The following CAB39L variants were observed in gnomAD, a reference collection of about 807,000 sequenced individuals.
The protein encoded by CAB39L is calcium-binding protein 39-like.
Under a neutral mutation model 39.1 loss-of-function variants are expected in CAB39L, and 23 were observed. The observed-to-expected ratio is 0.59, with a 90% CI of 0.42 to 0.83. The LOEUF (loss-of-function observed/expected upper bound fraction) is 0.83. CAB39L is among the 40% of genes least tolerant of loss of function. The probability of loss-of-function intolerance (pLI) is 0.00; values close to 1 mark genes in which losing one functional copy is unlikely to be tolerated. For synonymous variants in CAB39L, 126 were observed against 137.2 expected, an observed-to-expected ratio of 0.92 and a Z score of 0.57; for missense variants, 366 against 391.9, an observed-to-expected ratio of 0.93 and a Z score of 0.56.
chr13:49,415,868 T>G (rs1026714286), intron 3 of CAB39L, among the ~76,000 whole-genome samples: 1 of 152,206 alleles, frequency 6.6e-6, no homozygotes, highest in African/African-American at 2.4e-5. Flanking sequence ...TAAATTACTT[T>G]CCTGTTTTCT....
chr13:49,364,316 T>C (rs796748558), intron 5 of CAB39L, among the ~76,000 whole-genome samples: 1 of 152,128 alleles, frequency 6.6e-6, no homozygotes, highest in Non-Finnish European at 1.5e-5. Flanking sequence ...GAGAATGAAA[T>C]GAAGGGCAAA....
intron 1 of CAB39L, among the ~76,000 whole-genome samples, chr13:49,434,572 A>G (rs1239482018): frequency 6.6e-6 from 1 of 152,146 alleles, no homozygotes; most frequent in African/African-American, 2.4e-5. Context: ...AACTATCAAC[A>G]TTTTAGGCCA....
intron 6 of CAB39L, among the ~76,000 whole-genome samples, chr13:49,352,677 G>A (rs1469398701): frequency 6.6e-6 from 1 of 152,168 alleles, no homozygotes; most frequent in East Asian, 1.9e-4. Flanking sequence ...TGTAGTCCCA[G>A]CTACTCAGGA....
intron 9 of CAB39L, among the ~76,000 whole-genome samples, chr13:49,333,088 GA>G (rs1386555120): frequency 1.4e-4 from 22 of 151,988 alleles, no homozygotes; most frequent in African/African-American, 5.1e-4. Flanking sequence ...CCTTGCCTGT[GA>G]TGTATCTTTT....
At chr13:49,359,997 G>A (rs1255595834) in intron 5 of CAB39L, among the ~76,000 whole-genome samples, 165 bp from the exon 6 acceptor site, 2 of 152,080 alleles carry the variant, frequency 1.3e-5, no homozygotes, top group Admixed American at 6.5e-5. Flanking sequence ...CTAACAAGCT[G>A]TGCTTGCAAA....
chr13:49,370,600 G>A (rs1288760561), intron 5 of CAB39L, among the ~76,000 whole-genome samples: 1 of 152,180 alleles, frequency 6.6e-6, no homozygotes, highest in Non-Finnish European at 1.5e-5. Flanking sequence ...TGTTCCCATG[G>A]TAACCATGTG....
intron 7 of CAB39L, among the ~76,000 whole-genome samples, chr13:49,346,956 A>G (rs2138451113): frequency 6.6e-6 from 1 of 152,344 alleles, no homozygotes; most frequent in South Asian, 2.1e-4. Context: ...TAACAATGTT[A>G]CAATATTAAT....
chr13:49,427,974 T>A (rs1461495512), intron 3 of CAB39L, among the ~76,000 whole-genome samples: 1 of 152,178 alleles, frequency 6.6e-6, no homozygotes, highest in Non-Finnish European at 1.5e-5. Flanking sequence ...CCCTAATGAC[T>A]TGATCACCTC....
chr13:49,395,380 C>A (rs932509409), intron 3 of CAB39L, among the ~76,000 whole-genome samples: 2 of 151,944 alleles, frequency 1.3e-5, no homozygotes, highest in South Asian at 4.1e-4. Context: ...GGATTACAGG[C>A]ACTCACCACC....
rs932793105 is a variant in CAB39L, at chr13:49,413,258, A to C, written c.-32+20060T>G. Among the ~76,000 whole-genome samples, 18 of 152,240 alleles carry C rather than the reference A, an allele frequency of 1.2e-4. 1 individual carries two copies. Among genetic ancestry groups the C allele is most frequent in the Non-Finnish European group, 1.5e-4 (10 of 68,038 alleles). On this transcript the variant is annotated intron_variant, in intron 3 of 10. Coordinates refer to ENST00000409308, the MANE Select transcript of CAB39L (RefSeq NM_001079670.3). ...ACCGTATTTTATCATAAGGTAAAAT[A>C]TAGAGATTACCTAAGTGAGGAAAGA...
At chr13:49,325,037 C>G (rs1443913690) in intron 10 of CAB39L, among the ~76,000 whole-genome samples, 1 of 152,146 alleles carries the variant, frequency 6.6e-6, no homozygotes, top group African/African-American at 2.4e-5. Context: ...GCAGGATTAT[C>G]AAACAGAGCC....
intron 10 of CAB39L, among the ~76,000 whole-genome samples, chr13:49,315,665 T>C (rs1481100489): frequency 1.3e-5 from 2 of 151,774 alleles, no homozygotes; most frequent in Admixed American, 6.6e-5. Flanking sequence ...GGCGGGCGGA[T>C]CATGAAGTCA....
At chr13:49,334,848 T>A (rs1170395962) in intron 9 of CAB39L, among the ~76,000 whole-genome samples, 1 of 152,236 alleles carries the variant, frequency 6.6e-6, no homozygotes, top group African/African-American at 2.4e-5. Flanking sequence ...AAGGGTAACC[T>A]GTCCACTGGG....
chr13:49,344,791 T>C (rs1042600133), intron 7 of CAB39L, among the ~76,000 whole-genome samples: 2 of 152,034 alleles, frequency 1.3e-5, no homozygotes, highest in African/African-American at 4.8e-5. Flanking sequence ...CAAAGTGCCT[T>C]AACCACTTTT....
chr13:49,406,749 G>A (rs1432259464), intron 3 of CAB39L, among the ~76,000 whole-genome samples: 1 of 151,922 alleles, frequency 6.6e-6, no homozygotes, highest in Admixed American at 6.6e-5. Flanking sequence ...CTACTGCTTT[G>A]CTCTTATATT....
intron 3 of CAB39L, among the ~76,000 whole-genome samples, chr13:49,386,068 T>C (rs1956352376): frequency 6.6e-6 from 1 of 152,086 alleles, no homozygotes; most frequent in African/African-American, 2.4e-5. Flanking sequence ...TGCCTGTAAT[T>C]GCTGTCTTTC....
chr13:49,333,712 C>T (rs921456249), intron 9 of CAB39L, among the ~76,000 whole-genome samples: 3 of 151,802 alleles, frequency 2.0e-5, no homozygotes, highest in Non-Finnish European at 4.4e-5. Flanking sequence ...GCTGAGACTA[C>T]AGCCACCTGC....
chr13:49,435,877 C>T (rs1236858283), intron 1 of CAB39L, among the ~76,000 whole-genome samples: 1 of 152,168 alleles, frequency 6.6e-6, no homozygotes, highest in Non-Finnish European at 1.5e-5. Context: ...GGTTGATGGT[C>T]TTACTTGCCT....
chr13:49,400,977 C>T (rs900517407), intron 3 of CAB39L, among the ~76,000 whole-genome samples: 4 of 152,048 alleles, frequency 2.6e-5, no homozygotes, highest in African/African-American at 7.2e-5. Context: ...TAAACCTCTC[C>T]TAGTAACAGC....
Sources: gnomAD v4.1 joint callset for allele counts (sites outside exome capture counted in the v4.1 genomes callset) on GRCh38, gnomAD v4.1.1 for gene constraint, MANE v1.5 for transcripts, NCBI Gene and HGNC (gene_info 2026-07-23, HGNC 2026-07-21) for gene names.